FARS2: variants seen among roughly 807,000 people sequenced by gnomAD.
FARS2 encodes the protein phenylalanine--tRNA ligase, mitochondrial.
Under a neutral mutation model 46.4 loss-of-function variants are expected in FARS2, and 40 were observed. The observed-to-expected ratio is 0.86, with a 90% confidence interval of 0.67 to 1.12. FARS2 has a LOEUF of 1.12. FARS2 is among the 50% of genes most tolerant of loss of function. The pLI is 0.00. For missense variants in FARS2, 513 were observed against 567.9 expected, an observed-to-expected ratio of 0.90 and a Z score of 0.98; for synonymous variants, 234 against 214.9, an observed-to-expected ratio of 1.09 and a Z score of -0.78.
Position 5,369,187 on chromosome 6 carries a change from G to A in FARS2, c.612+5G>A. ...CGGCTCTTCTCCAAGCATGAGGTGA[G>A]TCTTGAGATGTTTCTCATCGCTGAA... On this transcript the variant is annotated splice_donor_5th_base_variant and intron_variant, in intron 2 of 6. Coordinates refer to ENST00000274680, the MANE Select transcript of FARS2 (RefSeq NM_006567.5). 1 of 1,601,448 alleles carries A rather than the reference G, an allele frequency of 6.2e-7. No individual in the cohort carries two copies.
At chr6:5,550,923 C>A (rs900518359) in intron 5 of FARS2, among the ~76,000 whole-genome samples, 1 of 152,192 alleles carries the variant, frequency 6.6e-6, no homozygotes. Flanking sequence ...CCTGATCCTT[C>A]AAAACTTCTG....
At chr6:5,771,189 C>A in intron 6 of FARS2, 102 bp from the exon 7 acceptor site, 1 of 1,296,170 alleles carries the variant, frequency 7.7e-7, no homozygotes, top group Non-Finnish European at 1.1e-6. Context: ...AACCTCAGTT[C>A]TCCACTGCAG....
intron 1 of FARS2, among the ~76,000 whole-genome samples, chr6:5,367,559 A>G (rs181411789): frequency 1.3e-5 from 2 of 151,798 alleles, no homozygotes; most frequent in East Asian, 3.9e-4. Flanking sequence ...AGTTATACTT[A>G]GGTCCTTCTC....
At chr6:5,684,035 G>T (rs1215952444) in intron 6 of FARS2, among the ~76,000 whole-genome samples, 1 of 152,164 alleles carries the variant, frequency 6.6e-6, no homozygotes, top group Non-Finnish European at 1.5e-5. Context: ...GGGCATTTGG[G>T]TTGGTTCCAA....
chr6:5,410,216 T>G (rs1309095760), intron 3 of FARS2, among the ~76,000 whole-genome samples: 3 of 150,224 alleles, frequency 2.0e-5, no homozygotes, highest in African/African-American at 7.4e-5. Flanking sequence ...TGCAGTGGTG[T>G]GATCTCAGTT....
chr6:5,273,248 GT>G (rs1766088137), intron 1 of FARS2, among the ~76,000 whole-genome samples: 1 of 152,194 alleles, frequency 6.6e-6, no homozygotes, highest in South Asian at 2.1e-4. Context: ...CCTCCACACA[GT>G]TTTCCATATT....
chr6:5,343,497 C>A lies in FARS2; in HGVS notation c.-21-25053C>A, dbSNP rs1167034649. 6.6e-6 allele frequency among the ~76,000 whole-genome samples: 1 copy of A among 152,136 alleles called. No individual in the cohort carries two copies. Among genetic ancestry groups the A allele is most frequent in the South Asian group, 2.1e-4 (1 of 4,820 alleles). On this transcript the variant is annotated intron_variant, in intron 1 of 6. Coordinates refer to ENST00000274680, the MANE Select transcript of FARS2 (RefSeq NM_006567.5). This position sits in a 1 kb window ranked among gnomAD's most constrained non-coding sequence, Gnocchi z 4.5. The stretch of plus-strand genomic sequence containing the variant: ...AAAGTGCTGGGATTACAGGCGTGAA[C>A]CACCGCGCCTGGCCTACATTTCAGT...
At chr6:5,439,026 A>AG (rs1763693496) in intron 4 of FARS2, among the ~76,000 whole-genome samples, 1 of 152,176 alleles carries the variant, frequency 6.6e-6, no homozygotes, top group Non-Finnish European at 1.5e-5. Context: ...CTGTTTTAGT[A>AG]GGGTGATCAA....
intron 6 of FARS2, among the ~76,000 whole-genome samples, chr6:5,729,313 G>A (rs928009565): frequency 6.6e-6 from 1 of 152,170 alleles, no homozygotes; most frequent in Non-Finnish European, 1.5e-5. Flanking sequence ...AGTCTCTGGA[G>A]GTGTCCAGTT....
chr6:5,267,610 C>T lies in FARS2; in HGVS notation c.-22+5950C>T, dbSNP rs142756157. Among the ~76,000 whole-genome samples, 1,274 of 151,956 alleles carry T rather than the reference C, an allele frequency of 8.4e-3. 19 individuals carry two copies. The highest frequency in any genetic ancestry group is 0.027 in the African/African-American group (1,127 of 41,432). On this transcript the variant is annotated intron_variant, in intron 1 of 6. Transcript: ENST00000274680. ...CTAAAAAAATACAAAAAAAATTAGCCGGATGTGGTGGTGGGTGCCTGTAGT... is the reference window on the plus strand; with the variant it reads ...CTAAAAAAATACAAAAAAAATTAGCTGGATGTGGTGGTGGGTGCCTGTAGT...
At chr6:5,405,477 G>GTTTTTTTT (rs1554181324) in intron 3 of FARS2, among the ~76,000 whole-genome samples, 9 of 93,150 alleles carry the variant, frequency 9.7e-5, no homozygotes, top group African/African-American at 3.2e-4. Context: ...GTGGAGCAAG[G>GTTTTTTTT]TTCTTTTTTT....
intron 1 of FARS2, among the ~76,000 whole-genome samples, chr6:5,262,338 C>T (rs1283372127): frequency 6.6e-6 from 1 of 152,036 alleles, no homozygotes; most frequent in African/African-American, 2.4e-5. Flanking sequence ...AGTGCAGTGG[C>T]GGGATCTCGG....
At chr6:5,578,716 G>A (rs540272662) in intron 5 of FARS2, among the ~76,000 whole-genome samples, 32 of 151,258 alleles carry the variant, frequency 2.1e-4, no homozygotes, top group Middle Eastern at 3.4e-3. Flanking sequence ...GGCTGAGGCG[G>A]GAGAATGGTG....
intron 5 of FARS2, among the ~76,000 whole-genome samples, chr6:5,599,718 G>T (rs565976052): frequency 6.6e-6 from 1 of 152,206 alleles, no homozygotes; most frequent in African/African-American, 2.4e-5. Context: ...CACCCCAGAA[G>T]ATACTGTACT....
intron 4 of FARS2, among the ~76,000 whole-genome samples, chr6:5,492,897 T>C (rs1171438189): frequency 1.3e-5 from 2 of 152,230 alleles, no homozygotes; most frequent in Non-Finnish European, 2.9e-5. Context: ...CCCACCACTT[T>C]AGGGTTTCCA....
intron 5 of FARS2, among the ~76,000 whole-genome samples, chr6:5,606,829 T>C (rs947191862): frequency 6.6e-6 from 1 of 152,148 alleles, no homozygotes; most frequent in Admixed American, 6.5e-5. Context: ...CAGTATTTCA[T>C]TTGTCCATTT....
chr6:5,280,588 C>T (rs537288940), intron 1 of FARS2, among the ~76,000 whole-genome samples: 2 of 152,264 alleles, frequency 1.3e-5, no homozygotes, highest in Middle Eastern at 6.8e-3. Flanking sequence ...ATCTGACTAC[C>T]TTGATACTTC....
intron 1 of FARS2, among the ~76,000 whole-genome samples, chr6:5,303,471 T>C (rs951564396): frequency 1.3e-5 from 2 of 152,070 alleles, no homozygotes; most frequent in African/African-American, 4.8e-5. Context: ...TTGTTAGGGC[T>C]GAGCGCACAC....
At chr6:5,590,418 C>T (rs1773848149) in intron 5 of FARS2, among the ~76,000 whole-genome samples, 1 of 152,188 alleles carries the variant, frequency 6.6e-6, no homozygotes, top group Non-Finnish European at 1.5e-5. Context: ...AGCTCTGGCA[C>T]AGTGCTCCAC....
Sources: allele counts gnomAD v4.1 joint callset (sites outside exome capture counted in the v4.1 genomes callset), GRCh38; gene constraint gnomAD v4.1.1; non-coding constraint Gnocchi (gnomAD v3.1); transcripts MANE v1.5; gene names NCBI Gene and HGNC (gene_info 2026-07-23, HGNC 2026-07-21).